Variants in DNAH12 observed in about 807,000 individuals in gnomAD.
The protein encoded by DNAH12 is axonemal beta dynein heavy chain 12.
In DNAH12, 285 loss-of-function variants were observed where a neutral mutation model predicts 371.5. The observed-to-expected ratio is 0.77, with a 90% CI of 0.70 to 0.85. The LOEUF (loss-of-function observed/expected upper bound fraction) is 0.85. Among genes scored for constraint, DNAH12 ranks in the 40% least tolerant of loss-of-function variants. The probability of loss-of-function intolerance (pLI) is 0.00; values close to 1 mark genes in which losing one functional copy is unlikely to be tolerated. For missense variants in DNAH12, 3,611 were observed against 3,689.4 expected (o/e 0.98, Z 0.55); for synonymous variants, 1,200 against 1,213.0 (o/e 0.99, Z 0.22).
intron 65 of DNAH12, among the ~76,000 whole-genome samples, chr3:57,320,406 C>T (rs959404812): frequency 6.6e-6 from 1 of 152,196 alleles, no homozygotes; most frequent in African/African-American, 2.4e-5. Flanking sequence ...GCAGGCAGAT[C>T]TATAGACTCA....
At chr3:57,327,391 C>G (rs2061975661) in intron 62 of DNAH12, among the ~76,000 whole-genome samples, 1 of 152,040 alleles carries the variant, frequency 6.6e-6, no homozygotes, top group African/African-American at 2.4e-5. Flanking sequence ...AACTAGAACT[C>G]AGGATTCAGA....
intron 60 of DNAH12, among the ~76,000 whole-genome samples, chr3:57,351,447 T>C (rs948325962): frequency 2.0e-5 from 3 of 152,218 alleles, no homozygotes; most frequent in Non-Finnish European, 4.4e-5. Flanking sequence ...ACATGTGCCC[T>C]CTACATTTAT....
At chr3:57,394,707 G>A (rs1240072942) in intron 43 of DNAH12, among the ~76,000 whole-genome samples, 1 of 152,322 alleles carries the variant, frequency 6.6e-6, no homozygotes, top group South Asian at 2.1e-4. Flanking sequence ...TTTGCCTCAT[G>A]GTATGAGCCT....
intron 60 of DNAH12, among the ~76,000 whole-genome samples, chr3:57,346,119 A>C (rs1290231168): frequency 6.6e-6 from 1 of 152,166 alleles, no homozygotes; most frequent in Admixed American, 6.5e-5. Flanking sequence ...TGATCTGATC[A>C]CTATAACCTG....
At chr3:57,523,462 C>A in intron 4 of DNAH12, 121 bp downstream of exon 4, 1 of 760,660 alleles carries the variant, frequency 1.3e-6, no homozygotes, top group South Asian at 2.2e-5. Context: ...AAAATAAAAA[C>A]CTCAGTTTCT....
chr3:57,492,028 G>T (rs1424192698), intron 11 of DNAH12, among the ~76,000 whole-genome samples: 1 of 151,932 alleles, frequency 6.6e-6, no homozygotes, highest in Non-Finnish European at 1.5e-5. Flanking sequence ...CGGGCATGGT[G>T]GCACATGCCT....
chr3:57,375,145 CTA>C (rs1424785909), intron 55 of DNAH12, among the ~76,000 whole-genome samples: 2 of 152,048 alleles, frequency 1.3e-5, no homozygotes, highest in Admixed American at 6.6e-5. Flanking sequence ...GGAAGCATAC[CTA>C]TGTCTGCCAT....
chr3:57,444,729 G>A lies in DNAH12; in HGVS notation c.4513C>T (p.Pro1505Ser). Residue 1505 changes from proline to serine, a missense_variant, in exon 29 of 74, where the codon CCT becomes TCT. This residue lies in a region of DNAH12 where 2,266 missense variants were observed against 2,236.9 expected (regional missense o/e 1.01). Coordinates refer to ENST00000495027, the MANE Select transcript of DNAH12 (RefSeq NM_001366028.2). ...TCAGCTTCAGGAAGTTTAATACCAGGAAATAAGTCACTAGTTATTCCATTA... is the reference window on the plus strand; with the variant it reads ...TCAGCTTCAGGAAGTTTAATACCAGAAAATAAGTCACTAGTTATTCCATTA... ...LFNGITSDLF[P>S]GIKLPEADYH... The A allele has an allele frequency of 6.5e-7, 1 of 1,550,010 alleles. No individual in the cohort carries two copies. Among genetic ancestry groups the A allele is most frequent in the Non-Finnish European group, 8.7e-7 (1 of 1,146,354 alleles).
In DNAH12 at chr3:57,314,611, A is replaced by G. The variant is rs1276392349; in HGVS notation, c.10545T>C (p.Phe3515=). The change falls in exon 66 of 74, where the codon TTT becomes TTC. Residue 3515 remains phenylalanine (F), a synonymous_variant. Coordinates refer to ENST00000495027, the MANE Select transcript of DNAH12 (RefSeq NM_001366028.2). ...CAAGGGCATGAAAAAAACAAACTCCAAACAGTAACTTCTCCCAGGCCTTTA... is the reference window on the plus strand; with the variant it reads ...CAAGGGCATGAAAAAAACAAACTCCGAACAGTAACTTCTCCCAGGCCTTTA... The part of the protein sequence containing the change: ...GKELAWEKLL[F]GVCFFHALVQ... 1 of 1,548,358 alleles carries G rather than the reference A, an allele frequency of 6.5e-7. No individual in the cohort carries two copies.
At chr3:57,382,475 G>A (rs1396848039) in intron 49 of DNAH12, 82 bp from the exon 50 acceptor site, 1 of 151,016 alleles carries the variant, frequency 6.6e-6, no homozygotes, top group East Asian at 1.9e-4. Context: ...AAGTAATGTT[G>A]GGGAATAATA....
Position 57,353,906 on chromosome 3 carries a change from G to A in DNAH12, c.9534-1681C>T, listed in dbSNP as rs1326627673. 6.6e-5 allele frequency among the ~76,000 whole-genome samples: 10 copies of A among 152,308 alleles called. No individual in the cohort carries two copies. In the East Asian group the frequency reaches 1.9e-3, roughly 29 times the overall value. On this transcript the variant is annotated intron_variant, in intron 59 of 73. Coordinates refer to ENST00000495027, the MANE Select transcript of DNAH12 (RefSeq NM_001366028.2). ...AGCTGGTGAAGTTGTGGAGCAAAGG[G>A]AACACTTATACACTGCTGGTGGGAA... is the stretch of plus-strand genomic sequence containing the variant.
chr3:57,499,199 T>C (rs114835564), intron 11 of DNAH12, among the ~76,000 whole-genome samples: 2 of 152,248 alleles, frequency 1.3e-5, no homozygotes, highest in African/African-American at 4.8e-5. Context: ...GTCAGCAGTT[T>C]CCTGAGGTCA....
chr3:57,352,444 T>C (rs986972074), intron 59 of DNAH12, among the ~76,000 whole-genome samples: 21 of 152,270 alleles, frequency 1.4e-4, no homozygotes, highest in Admixed American at 1.0e-3. Context: ...ATGCTAGCAC[T>C]GGAGAAACAA....
intron 36 of DNAH12, among the ~76,000 whole-genome samples, chr3:57,420,790 T>G (rs2064549013): frequency 6.6e-6 from 1 of 150,710 alleles, no homozygotes; most frequent in Non-Finnish European, 1.5e-5. Context: ...GCACCTGTAG[T>G]CCCAGCTACT....
At chr3:57,323,974 T>C (rs1056839377) in intron 62 of DNAH12, among the ~76,000 whole-genome samples, 1 of 152,236 alleles carries the variant, frequency 6.6e-6, no homozygotes, top group African/African-American at 2.4e-5. Context: ...TGGCATTTCT[T>C]GCAGGTAATG....
intron 8 of DNAH12, among the ~76,000 whole-genome samples, chr3:57,506,513 C>G (rs977218802): frequency 6.6e-6 from 1 of 152,114 alleles, no homozygotes; most frequent in Non-Finnish European, 1.5e-5. Context: ...ACAATCTGGG[C>G]TCACCACAAC....
At chr3:57,332,941 T>A (rs1235474405) in intron 62 of DNAH12, among the ~76,000 whole-genome samples, 1 of 152,186 alleles carries the variant, frequency 6.6e-6, no homozygotes, top group Non-Finnish European at 1.5e-5. Flanking sequence ...TTCTAGACCA[T>A]CCTAACAAAT....
Position 57,309,736 on chromosome 3 carries a change from G to A in DNAH12, c.11015C>T (p.Ser3672Phe). The change falls in exon 68 of 74, where the codon TCC becomes TTC. Residue 3672 changes from serine to phenylalanine, a missense_variant. Ser to Phe is a radical substitution (Grantham distance 155). Around this residue, in one of 3 missense-constraint regions of DNAH12, gnomAD observed 2,266 missense variants for 2,236.9 expected, o/e 1.01. Transcript: ENST00000495027. The part of the protein sequence containing the change: ...FESLLLTQGG[S>F]KQTGASGSTD... The stretch of plus-strand genomic sequence containing the variant: ...ACTTCCTGAGGCTCCTGTCTGTTTG[G>A]AGCCTCCCTGGGTGAGGAGCAAGGA... 6.4e-7 allele frequency: 1 copy of A among 1,551,114 alleles called. No homozygotes were observed. Among genetic ancestry groups the A allele is most frequent in the Middle Eastern group, 1.7e-4 (1 of 5,976 alleles).
At chr3:57,393,625 C>CAAAAAAAAAAAAAAAAAAAAAAAAAAA (rs1180952196) in intron 44 of DNAH12, among the ~76,000 whole-genome samples, 8 of 64,294 alleles carry the variant, frequency 1.2e-4, no homozygotes, top group South Asian at 6.6e-4. Flanking sequence ...GACTCTGTCT[C>CAAAAAAAAAAAAAAAAAAAAAAAAAAA]AAAAAAAAAA....
Sources: gnomAD v4.1 joint callset for allele counts (sites outside exome capture counted in the v4.1 genomes callset) on GRCh38, gnomAD v4.1.1 for gene constraint, gnomAD v4.1.1 regional missense constraint, MANE v1.5 for transcripts, NCBI Gene and HGNC (gene_info 2026-07-23, HGNC 2026-07-21) for gene names.